The following ATF6 variants were observed in gnomAD, a reference collection of about 807,000 sequenced individuals.
ATF6 encodes the protein activating transcription factor 6.
A neutral mutation model predicts 83.6 loss-of-function variants in ATF6; 53 were observed. The observed-to-expected ratio is 0.63, with a 90% confidence interval of 0.51 to 0.80. The LOEUF is 0.80. Among genes scored for constraint, ATF6 ranks in the 30% least tolerant of loss-of-function variants. ATF6 has a pLI of 0.00. For synonymous variants in ATF6, 288 were observed against 285.8 expected (o/e 1.01, Z -0.08); for missense variants, 744 against 797.9 (o/e 0.93, Z 0.81).
At position 161,904,626 on chromosome 1, in the gene ATF6, AAC is replaced by A. The variant is rs141394108; in HGVS notation, c.1720-7648_1720-7647del. On this transcript the variant is annotated intron_variant, in intron 14 of 15. Coordinates refer to ENST00000367942, the MANE Select transcript of ATF6 (RefSeq NM_007348.4). Reference sequence around the variant, plus strand: ...AAAAAACAAAAAACAAAAAAAACAAAACACACACACACACACACACACAAAAC... The same window carrying A: ...AAAAAACAAAAAACAAAAAAAACAAAACACACACACACACACACACAAAAC... 5.6e-3 allele frequency among the ~76,000 whole-genome samples: 845 copies of A among 149,782 alleles called. 6 individuals are homozygous for A. Among genetic ancestry groups the A allele is most frequent in the African/African-American group, 0.017 (694 of 40,844 alleles).
intron 15 of ATF6, among the ~76,000 whole-genome samples, chr1:161,919,414 A>G (rs1375663352): frequency 5.9e-5 from 9 of 152,158 alleles, no homozygotes; most frequent in East Asian, 1.9e-4. Flanking sequence ...AATTATTTCT[A>G]CTTATGTTGT....
rs574941371 is a variant in ATF6 at position 161,900,426 on chromosome 1, A to G, written c.1720-11870A>G. Among the ~76,000 whole-genome samples the G allele has an allele frequency of 4.6e-5, 7 of 152,308 alleles. No individual in the cohort carries two copies. In the East Asian group the frequency reaches 1.3e-3, roughly 29 times the overall value. On this transcript the variant is annotated intron_variant, in intron 14 of 15. Coordinates refer to ENST00000367942, the MANE Select transcript of ATF6 (RefSeq NM_007348.4). ...TGACATGAAAAGAGACCTCTTAGGAAGCAATTTTTACGAGCCTGCTGAACT... is the reference window on the plus strand; with the variant it reads ...TGACATGAAAAGAGACCTCTTAGGAGGCAATTTTTACGAGCCTGCTGAACT...
chr1:161,773,368 A>C (rs888327484), intron 1 of ATF6, among the ~76,000 whole-genome samples: 1 of 151,690 alleles, frequency 6.6e-6, no homozygotes, highest in Non-Finnish European at 1.5e-5. Context: ...TGATCTCCTG[A>C]CCTCATGATC....
intron 2 of ATF6, among the ~76,000 whole-genome samples, chr1:161,781,254 A>G (rs1684630163): frequency 6.6e-6 from 1 of 152,202 alleles, no homozygotes; most frequent in South Asian, 2.1e-4. Flanking sequence ...TGCAGGCTTT[A>G]AGAAGTTTGC....
At chr1:161,918,416 A>G (rs1688142795) in intron 15 of ATF6, among the ~76,000 whole-genome samples, 1 of 152,188 alleles carries the variant, frequency 6.6e-6, no homozygotes, top group Non-Finnish European at 1.5e-5. Flanking sequence ...CAATTGTTCT[A>G]TAAATAAAAC....
chr1:161,841,864 CT>C, intron 9 of ATF6, among the ~76,000 whole-genome samples: 1 of 152,158 alleles, frequency 6.6e-6, no homozygotes, highest in East Asian at 1.9e-4. Flanking sequence ...GTAAGTACAG[CT>C]GCCAAGTGAT....
chr1:161,861,358 A>G (rs1686882643), intron 13 of ATF6, among the ~76,000 whole-genome samples: 1 of 152,200 alleles, frequency 6.6e-6, no homozygotes, highest in Non-Finnish European at 1.5e-5. Context: ...TTATACTAAT[A>G]ACTGAGAATT....
intron 14 of ATF6, among the ~76,000 whole-genome samples, chr1:161,874,517 A>C (rs1247474741): frequency 5.3e-5 from 8 of 151,672 alleles, no homozygotes; most frequent in Non-Finnish European, 1.2e-4. Context: ...AACAGTTAAC[A>C]GTTACATGTA....
intron 15 of ATF6, among the ~76,000 whole-genome samples, chr1:161,929,684 A>G (rs957590958): frequency 6.6e-6 from 1 of 152,238 alleles, no homozygotes; most frequent in African/African-American, 2.4e-5. Context: ...TCAACACAGG[A>G]GATGAGAACC....
chr1:161,838,931 A>G (rs961355744), intron 9 of ATF6, among the ~76,000 whole-genome samples: 1 of 152,204 alleles, frequency 6.6e-6, no homozygotes, highest in Non-Finnish European at 1.5e-5. Context: ...TCTCTGAACC[A>G]TTCAATAAAC....
chr1:161,947,644 AAAAG>A (rs1157468205), intron 15 of ATF6, among the ~76,000 whole-genome samples: 1 of 152,192 alleles, frequency 6.6e-6, no homozygotes, highest in Admixed American at 6.5e-5. Context: ...ATTTCTGAAA[AAAAG>A]AAGCATTTGT....
intron 15 of ATF6, among the ~76,000 whole-genome samples, chr1:161,957,848 T>G (rs1199119936): frequency 1.3e-5 from 2 of 152,234 alleles, no homozygotes; most frequent in Non-Finnish European, 2.9e-5. Flanking sequence ...AAGAGCATAA[T>G]TGTCAGATGT....
At chr1:161,821,038 T>C in intron 8 of ATF6, 32 bp from the exon 9 acceptor site, 1 of 1,475,678 alleles carries the variant, frequency 6.8e-7, no homozygotes. Flanking sequence ...CGATGTTAGT[T>C]TAATTGTATT....
At position 161,953,406 on chromosome 1, in the gene ATF6, G is replaced by C. The variant is rs145651809; in HGVS notation, c.1805-5040G>C. ...AAGGTTGGTGGTTTTTACATACACTGTTCTAGCGAGGCCTATACATTTGTT... is the reference window on the plus strand; with the variant it reads ...AAGGTTGGTGGTTTTTACATACACTCTTCTAGCGAGGCCTATACATTTGTT... On this transcript the variant is annotated intron_variant, in intron 15 of 15. Coordinates refer to ENST00000367942, the MANE Select transcript of ATF6 (RefSeq NM_007348.4). Among the ~76,000 whole-genome samples, 399 of 152,208 alleles carry C rather than the reference G, an allele frequency of 2.6e-3. 1 individual carries two copies. The highest frequency in any genetic ancestry group is 9.1e-3 in the African/African-American group (377 of 41,540).
Position 161,851,742 on chromosome 1 carries a change from A to G in ATF6, c.1340A>G (p.Asn447Ser), listed in dbSNP as rs529204186. The change falls in exon 11 of 16, where the codon AAT becomes AGT. Residue 447 changes from asparagine to serine, a missense_variant. Asn to Ser is a conservative substitution (Grantham distance 46). Transcript: ENST00000367942. ...NSYRYDHSVSNDKALMVLTEE... is the reference protein window; with the variant it reads ...NSYRYDHSVSSDKALMVLTEE... ...TTCAGATATGATCATTCTGTTTCAA[A>G]TGACAAAGCCCTGATGGTGCTAACT... The G allele has an allele frequency of 2.0e-5, 33 of 1,613,512 alleles. No individual in the cohort carries two copies. The highest frequency in any genetic ancestry group is 2.7e-5 in the Non-Finnish European group (32 of 1,179,692).
intron 1 of ATF6, among the ~76,000 whole-genome samples, chr1:161,774,721 A>G (rs1188602002): frequency 1.3e-5 from 2 of 152,238 alleles, no homozygotes; most frequent in Non-Finnish European, 2.9e-5. Context: ...GTCAGGAGAT[A>G]AACATTGATA....
At chr1:161,908,204 A>G (rs1687916136) in intron 14 of ATF6, among the ~76,000 whole-genome samples, 1 of 152,186 alleles carries the variant, frequency 6.6e-6, no homozygotes, top group Non-Finnish European at 1.5e-5. Flanking sequence ...TACTCTACAT[A>G]GATACGTAGA....
At chr1:161,849,809 T>C (rs1686571753) in intron 10 of ATF6, among the ~76,000 whole-genome samples, 1 of 152,186 alleles carries the variant, frequency 6.6e-6, no homozygotes, top group Admixed American at 6.5e-5. Flanking sequence ...TATCCAATAG[T>C]CTCTTTGACA....
intron 14 of ATF6, among the ~76,000 whole-genome samples, chr1:161,887,247 C>T (rs905827310): frequency 2.1e-5 from 3 of 143,826 alleles, no homozygotes; most frequent in South Asian, 2.2e-4. Flanking sequence ...AATTTTTGTG[C>T]TTTTTTTTTT....
Sources: gnomAD v4.1 joint callset for allele counts (sites outside exome capture counted in the v4.1 genomes callset) on GRCh38, gnomAD v4.1.1 for gene constraint, MANE v1.5 for transcripts, NCBI Gene and HGNC (gene_info 2026-07-23, HGNC 2026-07-21) for gene names.